CHCHD3: variants seen among roughly 807,000 people sequenced by gnomAD.
CHCHD3 encodes the protein coiled-coil-helix-coiled-coil-helix domain containing 3, also known as MICOS complex subunit MIC19.
CHCHD3 carries 20 observed loss-of-function variants against 38.2 expected under a neutral mutation model. The ratio of observed to expected loss-of-function variants is 0.52; its 90% confidence interval spans 0.37 to 0.76. CHCHD3 has a LOEUF of 0.76. Among genes scored for constraint, CHCHD3 ranks in the 30% least tolerant of loss-of-function variants. CHCHD3 has a pLI of 0.00. For synonymous variants in CHCHD3, 82 were observed against 100.0 expected (o/e 0.82, Z 1.07); for missense variants, 245 against 279.2 (o/e 0.88, Z 0.87).
intron 3 of CHCHD3, among the ~76,000 whole-genome samples, chr7:132,984,680 G>T (rs573940354): frequency 6.7e-5 from 10 of 149,876 alleles, no homozygotes; most frequent in African/African-American, 2.5e-4. Context: ...CTGCCGCCCC[G>T]TCTGGGATGT....
At position 133,049,883 on chromosome 7, in the gene CHCHD3, A is replaced by C. The variant is rs183331831; in HGVS notation, c.169+20259T>G. Among the ~76,000 whole-genome samples the C allele has an allele frequency of 3.9e-3, 592 of 152,344 alleles. 7 individuals carry two copies. The highest frequency in any genetic ancestry group is 0.01 in the African/African-American group (426 of 41,578). ...CTCTGAACAATGACTCCTTGGTCAAAGTCCTTTTTACAGCTAGTGCACTGC... is the reference window on the plus strand; with the variant it reads ...CTCTGAACAATGACTCCTTGGTCAACGTCCTTTTTACAGCTAGTGCACTGC... On this transcript the variant is annotated intron_variant, in intron 2 of 7. Transcript: ENST00000262570.
In CHCHD3 at chr7:133,081,959, G is replaced by A. The variant is rs779690713; in HGVS notation, c.-22C>T. The stretch of plus-strand genomic sequence containing the variant: ...CCATGATTCCGGTTCCTGCCCCAGC[G>A]GAGACCTAGCGGGGAACCACGAGCA... On this transcript the variant is annotated 5_prime_UTR_variant, in exon 1 of 8. Coordinates refer to ENST00000262570, the MANE Select transcript of CHCHD3 (RefSeq NM_017812.4). 1.2e-5 allele frequency: 18 copies of A among 1,530,706 alleles called. No homozygotes were observed. Among genetic ancestry groups the A allele is most frequent in the African/African-American group, 6.9e-5 (5 of 72,460 alleles). The allele number at this position is 1,530,706 out of a possible 1,614,324, so 94.8% of individuals were successfully genotyped here. A position where few individuals can be genotyped will look rare whatever the true frequency, so the allele number is the denominator to read the frequency against.
At chr7:132,803,833 C>T (rs924352837) in intron 6 of CHCHD3, among the ~76,000 whole-genome samples, 2 of 140,942 alleles carry the variant, frequency 1.4e-5, no homozygotes, top group African/African-American at 5.1e-5. Context: ...TCCACCTGCA[C>T]GAATCTGGCA....
intron 3 of CHCHD3, among the ~76,000 whole-genome samples, chr7:133,015,616 T>C (rs1258237811): frequency 5.3e-5 from 8 of 152,104 alleles, no homozygotes; most frequent in Non-Finnish European, 7.4e-5. Flanking sequence ...CTTCCCACAA[T>C]TGTAAATGAA....
chr7:133,051,106 G>A (rs1272673905), intron 2 of CHCHD3, among the ~76,000 whole-genome samples: 1 of 152,172 alleles, frequency 6.6e-6, no homozygotes, highest in Non-Finnish European at 1.5e-5. Flanking sequence ...CAATGTTCTT[G>A]AAGAGTTCCT....
intron 4 of CHCHD3, chr7:132,973,673 G>A (rs999250055): frequency 2.6e-5 from 27 of 1,025,138 alleles, no homozygotes; most frequent in Non-Finnish European, 3.2e-5. Flanking sequence ...TGTCACTGAA[G>A]AAACTGATTC....
At chr7:132,859,784 G>C (rs1015423302) in intron 5 of CHCHD3, among the ~76,000 whole-genome samples, 2 of 152,100 alleles carry the variant, frequency 1.3e-5, no homozygotes, top group South Asian at 4.1e-4. Context: ...GGCTGTTCAA[G>C]GTCCACTTTT....
intron 2 of CHCHD3, among the ~76,000 whole-genome samples, chr7:133,032,968 T>G (rs1485610513): frequency 6.6e-6 from 1 of 152,200 alleles, no homozygotes; most frequent in Non-Finnish European, 1.5e-5. Context: ...CCACCCAAGC[T>G]CTTTTCCATT....
intron 2 of CHCHD3, among the ~76,000 whole-genome samples, chr7:133,063,261 C>T (rs150483133): frequency 6.2e-4 from 94 of 152,266 alleles, no homozygotes; most frequent in African/African-American, 2.2e-3. Flanking sequence ...AGGACTGAAG[C>T]GTGAGTCAAG....
rs142702997 is a variant in CHCHD3, at chr7:132,922,343, A to T, written c.370-36598T>A. 6.5e-3 allele frequency among the ~76,000 whole-genome samples: 989 copies of T among 152,264 alleles called. 10 individuals carry two copies. Among genetic ancestry groups the T allele is most frequent in the African/African-American group, 0.022 (918 of 41,550 alleles). On this transcript the variant is annotated intron_variant, in intron 4 of 7. Coordinates refer to ENST00000262570, the MANE Select transcript of CHCHD3 (RefSeq NM_017812.4). ...ATTAAATGTGACCTGTGCCAAGCAA[A>T]ATTACTAATATCACCACTAATCCCT...
chr7:133,061,412 G>C (rs546942263), intron 2 of CHCHD3, among the ~76,000 whole-genome samples: 48 of 150,744 alleles, frequency 3.2e-4, no homozygotes, highest in African/African-American at 1.2e-3. Context: ...ATCAAATACA[G>C]ACAAGGTCTG....
chr7:132,861,408 T>C (rs994364998), intron 5 of CHCHD3, among the ~76,000 whole-genome samples: 2 of 152,220 alleles, frequency 1.3e-5, no homozygotes, highest in Non-Finnish European at 2.9e-5. Flanking sequence ...ATGATCTATT[T>C]TGGCTCATTT....
chr7:132,963,458 C>T (rs956260304), intron 4 of CHCHD3, among the ~76,000 whole-genome samples: 1 of 149,880 alleles, frequency 6.7e-6, no homozygotes, highest in Non-Finnish European at 1.5e-5. Context: ...GGTGAAACTC[C>T]GTCTCTACTA....
intron 2 of CHCHD3, among the ~76,000 whole-genome samples, chr7:133,062,547 T>G (rs180883773): frequency 6.6e-6 from 1 of 152,278 alleles, no homozygotes; most frequent in Admixed American, 6.5e-5. Context: ...ACTTGTTCTG[T>G]GAGAAAATAC....
At chr7:132,998,521 T>C (rs1372470457) in intron 3 of CHCHD3, among the ~76,000 whole-genome samples, 6 of 152,158 alleles carry the variant, frequency 3.9e-5, no homozygotes, top group African/African-American at 1.4e-4. Flanking sequence ...TTATCAAATG[T>C]CATTCATCAG....
chr7:132,919,942 C>G (rs1810217306), intron 4 of CHCHD3, among the ~76,000 whole-genome samples: 1 of 152,102 alleles, frequency 6.6e-6, no homozygotes, highest in Non-Finnish European at 1.5e-5. Flanking sequence ...TTACACAATT[C>G]AAGGTTTTCC....
intron 4 of CHCHD3, among the ~76,000 whole-genome samples, chr7:132,937,470 C>T (rs1462582596): frequency 2.0e-5 from 3 of 152,194 alleles, no homozygotes; most frequent in Non-Finnish European, 4.4e-5. Flanking sequence ...ATGTACCATA[C>T]TGACTGCATA....
intron 6 of CHCHD3, among the ~76,000 whole-genome samples, chr7:132,808,351 A>G (rs1202975393): frequency 6.6e-6 from 1 of 152,128 alleles, no homozygotes; most frequent in Non-Finnish European, 1.5e-5. Context: ...AGTAATTCCC[A>G]AAGCTCAGAT....
chr7:132,953,939 A>G (rs1020613891), intron 4 of CHCHD3, among the ~76,000 whole-genome samples: 1 of 152,130 alleles, frequency 6.6e-6, no homozygotes, highest in Non-Finnish European at 1.5e-5. Context: ...CCCTAGCCAT[A>G]AAAGAGTCAT....
Sources: gnomAD v4.1 joint callset for allele counts (sites outside exome capture counted in the v4.1 genomes callset) on GRCh38, gnomAD v4.1.1 for gene constraint, MANE v1.5 for transcripts, NCBI Gene and HGNC (gene_info 2026-07-23, HGNC 2026-07-21) for gene names.